MFAP2: variants seen among roughly 807,000 people sequenced by gnomAD.
The protein encoded by MFAP2 is microfibril associated protein 2.
Under a neutral mutation model 30.6 loss-of-function variants are expected in MFAP2, and 23 were observed. The ratio of observed to expected loss-of-function variants is 0.75; its 90% CI spans 0.54 to 1.07. MFAP2 has a LOEUF of 1.07. Among genes scored for constraint, MFAP2 ranks in the 50% least tolerant of loss-of-function variants. The pLI, the probability that MFAP2 is intolerant of heterozygous loss-of-function variation, is 0.00. For missense variants in MFAP2, 198 were observed against 223.8 expected (o/e 0.88, Z 0.74); for synonymous variants, 73 against 85.7 (o/e 0.85, Z 0.82).
At position 16,975,770 on chromosome 1, in the gene MFAP2, G is replaced by A; in HGVS notation, c.287-40C>T. On this transcript the variant is annotated intron_variant, in intron 6 of 8. Coordinates refer to ENST00000375535, the MANE Select transcript of MFAP2 (RefSeq NM_002403.4). The surrounding 1 kb of genome is among the most constrained non-coding windows in gnomAD (Gnocchi z 5.0). ...GGTCAGACTAGGAGCCCAGAGTGGG[G>A]GGCGGCCCCCAGCCTCACCCACCTG... is the stretch of plus-strand genomic sequence containing the variant. 2 of 1,588,240 alleles carry A rather than the reference G, an allele frequency of 1.3e-6. No individual in the cohort carries two copies. The highest frequency in any genetic ancestry group is 1.7e-4 in the Middle Eastern group (1 of 6,004).
rs757209845 is a variant in MFAP2, at chr1:16,976,926, GCAAA to G, written c.128-7_128-4del. 6.2e-6 allele frequency: 10 copies of G among 1,614,110 alleles called. No individual in the cohort carries two copies. In the South Asian group the frequency reaches 8.8e-5, roughly 14 times the overall value. ...ATAATCATAGTAGTCTGGGTTGTCT[GCAAA>G]CAAAGATGAAAGTGGAATTGGTGGG... On this transcript the variant is annotated splice_polypyrimidine_tract_variant and splice_region_variant and intron_variant, in intron 3 of 8. Coordinates refer to ENST00000375535, the MANE Select transcript of MFAP2 (RefSeq NM_002403.4). This position sits in a 1 kb window ranked among gnomAD's most constrained non-coding sequence, Gnocchi z 5.5.
chr1:16,976,012 G>A lies in MFAP2; in HGVS notation c.287-282C>T, dbSNP rs1333111562. ...GCCACAAAAGCCCATACCAACTCCC[G>A]AGCAGACGTGCCCACGCTCACAGAA... is the stretch of plus-strand genomic sequence containing the variant. On this transcript the variant is annotated intron_variant, in intron 6 of 8. Transcript: ENST00000375535. This position sits in a 1 kb window ranked among gnomAD's most constrained non-coding sequence, Gnocchi z 5.5. Among the ~76,000 whole-genome samples, 2 of 152,032 alleles carry A rather than the reference G, an allele frequency of 1.3e-5. No individual in the cohort carries two copies. Among genetic ancestry groups the A allele is most frequent in the Non-Finnish European group, 2.9e-5 (2 of 68,012 alleles).
In MFAP2 at chr1:16,976,804, G is replaced by A; in HGVS notation, c.155-10C>T. ...GGCCGAGGAGTCACCTCTGCAGCCA[G>A]GGGAGGATAAGGGGGTCTGCTCCCT... On this transcript the variant is annotated splice_polypyrimidine_tract_variant and intron_variant, in intron 4 of 8. Transcript: ENST00000375535. This position sits in a 1 kb window ranked among gnomAD's most constrained non-coding sequence, Gnocchi z 5.5. 6.2e-7 allele frequency: 1 copy of A among 1,614,062 alleles called. No individual in the cohort carries two copies. The highest frequency in any genetic ancestry group is 8.5e-7 in the Non-Finnish European group (1 of 1,179,984).
At chr1:16,977,222 G>C in intron 2 of MFAP2, 24 bp from the exon 3 acceptor site, 1 of 1,610,432 alleles carries the variant, frequency 6.2e-7, no homozygotes, top group African/African-American at 1.3e-5. Flanking sequence ...AAGCATGTAG[G>C]GTACCCCATC....
At position 16,976,210 on chromosome 1, in the gene MFAP2, T is replaced by C. The variant is rs1328466733; in HGVS notation, c.286+291A>G. 1.8e-6 allele frequency: 1 copy of C among 569,894 alleles called. No homozygotes were observed. The highest frequency in any genetic ancestry group is 3.1e-6 in the Non-Finnish European group (1 of 318,118). 35.3% of individuals were successfully genotyped at this position (569,894 alleles called of 1,614,324 possible). A position where few individuals can be genotyped will look rare whatever the true frequency, so the allele number is the denominator to read the frequency against. ...CCACATGTGCACCACTCAGTCTCTC[T>C]GGCTGGCAGGAAGCCCCCAGCACAC... is the stretch of plus-strand genomic sequence containing the variant. On this transcript the variant is annotated intron_variant, in intron 6 of 8. Coordinates refer to ENST00000375535, the MANE Select transcript of MFAP2 (RefSeq NM_002403.4). The surrounding 1 kb of genome is among the most constrained non-coding windows in gnomAD (Gnocchi z 5.5).
Position 16,976,838 on chromosome 1 carries a change from C to G in MFAP2, c.155-44G>C. On this transcript the variant is annotated intron_variant, in intron 4 of 8. Coordinates refer to ENST00000375535, the MANE Select transcript of MFAP2 (RefSeq NM_002403.4). The surrounding 1 kb of genome is among the most constrained non-coding windows in gnomAD (Gnocchi z 5.5). ...AAGGGGGTCTGCTCCCTCTACCCCTCCCAGGGGGTCTCCCCACCCCAGCTG... is the reference window on the plus strand; with the variant it reads ...AAGGGGGTCTGCTCCCTCTACCCCTGCCAGGGGGTCTCCCCACCCCAGCTG... 6.2e-7 allele frequency: 1 copy of G among 1,614,040 alleles called. No homozygotes were observed. The highest frequency in any genetic ancestry group is 2.2e-5 in the East Asian group (1 of 44,878).
Position 16,980,269 on chromosome 1 carries a change from C to G in MFAP2, c.-42+318G>C, listed in dbSNP as rs55666927. 7.2e-3 allele frequency among the ~76,000 whole-genome samples: 337 copies of G among 46,708 alleles called. 9 individuals are homozygous for G. Among genetic ancestry groups the G allele is most frequent in the Middle Eastern group, 0.023 (2 of 88 alleles). The allele number at this position is 46,708 out of a possible 152,430, so 30.6% of individuals were successfully genotyped here. On this transcript the variant is annotated intron_variant, in intron 1 of 8. Coordinates refer to ENST00000375535, the MANE Select transcript of MFAP2 (RefSeq NM_002403.4). ...TCTGTCTCGGCCATTCCCACCGGAC[C>G]CCCCCCCCCCACCCCACCCGCCACA... is the stretch of plus-strand genomic sequence containing the variant.
Position 16,976,226 on chromosome 1 carries a change from C to G in MFAP2, c.286+275G>C. ...CAGTCTCTCTGGCTGGCAGGAAGCCCCCAGCACACTCCCTGCCCCTCCCAG... is the reference window on the plus strand; with the variant it reads ...CAGTCTCTCTGGCTGGCAGGAAGCCGCCAGCACACTCCCTGCCCCTCCCAG... On this transcript the variant is annotated intron_variant, in intron 6 of 8. Coordinates refer to ENST00000375535, the MANE Select transcript of MFAP2 (RefSeq NM_002403.4). This position sits in a 1 kb window ranked among gnomAD's most constrained non-coding sequence, Gnocchi z 5.5. 1.7e-6 allele frequency: 1 copy of G among 583,678 alleles called. No homozygotes were observed. Among genetic ancestry groups the G allele is most frequent in the Non-Finnish European group, 3.1e-6 (1 of 326,976 alleles). 36.2% of individuals were successfully genotyped at this position (583,678 alleles called of 1,614,324 possible). A position where few individuals can be genotyped will look rare whatever the true frequency, so the allele number is the denominator to read the frequency against.
chr1:16,975,840 G>A lies in MFAP2; in HGVS notation c.287-110C>T. ...AGTCCCCCCTGTACCTTCAGGCCCC[G>A]TGCAGACACCCATACCTACACATGC... On this transcript the variant is annotated intron_variant, in intron 6 of 8. Transcript: ENST00000375535. The surrounding 1 kb of genome is among the most constrained non-coding windows in gnomAD (Gnocchi z 5.0). The A allele has an allele frequency of 1.1e-5, 9 of 834,192 alleles. No homozygotes were observed. Among genetic ancestry groups the A allele is most frequent in the East Asian group, 2.7e-5 (1 of 37,364 alleles). 51.7% of individuals were successfully genotyped at this position (834,192 alleles called of 1,614,324 possible).
chr1:16,976,125 A>C lies in MFAP2; in HGVS notation c.286+376T>G, dbSNP rs548411755. ...ACACACCTTGTTCTTTCAAGCTCTC[A>C]GCTAGGGCAGCCGGAGGGCACCGCT... is the stretch of plus-strand genomic sequence containing the variant. On this transcript the variant is annotated intron_variant, in intron 6 of 8. Coordinates refer to ENST00000375535, the MANE Select transcript of MFAP2 (RefSeq NM_002403.4). The surrounding 1 kb of genome is among the most constrained non-coding windows in gnomAD (Gnocchi z 5.5). The C allele has an allele frequency of 8.3e-5, 40 of 483,332 alleles. No homozygotes were observed. Among genetic ancestry groups the C allele is most frequent in the African/African-American group, 7.0e-4 (36 of 51,538 alleles). 29.9% of individuals were successfully genotyped at this position (483,332 alleles called of 1,614,324 possible).
At position 16,976,094 on chromosome 1, in the gene MFAP2, GCACA is replaced by G; in HGVS notation, c.287-368_287-365del. The G allele has an allele frequency of 6.5e-6, 3 of 462,144 alleles. No homozygotes were observed. Among genetic ancestry groups the G allele is most frequent in the South Asian group, 2.4e-5 (1 of 42,516 alleles). 28.6% of individuals were successfully genotyped at this position (462,144 alleles called of 1,614,324 possible). A position where few individuals can be genotyped will look rare whatever the true frequency, so the allele number is the denominator to read the frequency against. On this transcript the variant is annotated intron_variant, in intron 6 of 8. Coordinates refer to ENST00000375535, the MANE Select transcript of MFAP2 (RefSeq NM_002403.4). This position sits in a 1 kb window ranked among gnomAD's most constrained non-coding sequence, Gnocchi z 5.5. ...CGAGAGTGAGCACACGGATTCTCCT[GCACA>G]CACACACCTTGTTCTTTCAAGCTCT...
At chr1:16,978,493 A>G (rs750341424) in intron 1 of MFAP2, among the ~76,000 whole-genome samples, 179 bp from the exon 2 acceptor site, 6 of 152,146 alleles carry the variant, frequency 3.9e-5, no homozygotes, top group Non-Finnish European at 8.8e-5. Context: ...TTCAGGTCAC[A>G]AGGGACAAGG....
intron 1 of MFAP2, among the ~76,000 whole-genome samples, chr1:16,980,267 A>ACACCCCCCCC (rs1557656639): frequency 1.2e-4 from 10 of 80,322 alleles, no homozygotes; most frequent in Non-Finnish European, 1.6e-4. Context: ...TTCCCACCGG[A>ACACCCCCCCC]CCCCCCCCCC....
intron 2 of MFAP2, chr1:16,977,423 G>A (rs1254030548): frequency 3.7e-6 from 2 of 545,430 alleles, no homozygotes; most frequent in African/African-American, 3.8e-5. Context: ...CCTGTTGCTG[G>A]CCTCCTGGCT....
chr1:16,978,618 G>A (rs1282007146), intron 1 of MFAP2, among the ~76,000 whole-genome samples: 1 of 152,184 alleles, frequency 6.6e-6, no homozygotes, highest in African/African-American at 2.4e-5. Flanking sequence ...CATTCCTAAT[G>A]TGCTCCCAGC....
chr1:16,975,581 C>T lies in MFAP2; in HGVS notation c.374+62G>A. 3.3e-6 allele frequency: 5 copies of T among 1,527,108 alleles called. No homozygotes were observed. Among genetic ancestry groups the T allele is most frequent in the South Asian group, 1.1e-5 (1 of 87,706 alleles). The allele number at this position is 1,527,108 out of a possible 1,614,324, so 94.6% of individuals were successfully genotyped here. On this transcript the variant is annotated intron_variant, in intron 7 of 8. Transcript: ENST00000375535. The surrounding 1 kb of genome is among the most constrained non-coding windows in gnomAD (Gnocchi z 5.0). ...CCCACCTTGGCGGGCCAGAGCTGTC[C>T]CCTGTGCCCTCTAGCCCCCCATGCT...
intron 2 of MFAP2, chr1:16,977,507 G>T: frequency 3.1e-6 from 1 of 324,534 alleles, no homozygotes; most frequent in Non-Finnish European, 5.7e-6. Flanking sequence ...TGTGAGGCCT[G>T]CTCAGCTCCT....
At position 16,977,196 on chromosome 1, in the gene MFAP2, C is replaced by G; in HGVS notation, c.40G>C (p.Gly14Arg). The G allele has an allele frequency of 6.2e-7, 1 of 1,613,372 alleles. No individual in the cohort carries two copies. The highest frequency in any genetic ancestry group is 8.5e-7 in the Non-Finnish European group (1 of 1,179,854). The change falls in exon 3 of 9, where the codon GGC (glycine) becomes CGC (arginine). Residue 14 changes from glycine to arginine, a missense_variant and splice_region_variant. Transcript: ENST00000375535. ...TCATACTGGCCCTGAGCCAGCAAGC[C>G]TGCTGTGGGGAGGCAAAGCATGTAG... is the stretch of plus-strand genomic sequence containing the variant. Reference protein sequence around the residue: ...AYLFLLFLPAGLLAQGQYDLD... With the variant: ...AYLFLLFLPARLLAQGQYDLD...
rs761350384 is a variant in MFAP2, at chr1:16,976,464, G to A, written c.286+37C>T. 42 of 1,613,678 alleles carry A rather than the reference G, an allele frequency of 2.6e-5. No homozygotes were observed. The highest frequency in any genetic ancestry group is 2.2e-4 in the East Asian group (10 of 44,894). On this transcript the variant is annotated intron_variant, in intron 6 of 8. Transcript: ENST00000375535. The surrounding 1 kb of genome is among the most constrained non-coding windows in gnomAD (Gnocchi z 5.5). Reference sequence around the variant, plus strand: ...CCCTACTCCACCCCAACTTCAGGGCGTGCCTCCATTTTTCCAGCTGTCAAG... The same window carrying A: ...CCCTACTCCACCCCAACTTCAGGGCATGCCTCCATTTTTCCAGCTGTCAAG...
Sources: gnomAD v4.1 joint callset for allele counts (sites outside exome capture counted in the v4.1 genomes callset) on GRCh38, gnomAD v4.1.1 for gene constraint, Gnocchi (gnomAD v3.1) non-coding constraint, MANE v1.5 for transcripts, NCBI Gene and HGNC (gene_info 2026-07-23, HGNC 2026-07-21) for gene names.